Variants in MASP1 observed in about 807,000 individuals in gnomAD.
MASP1 encodes the protein MBL associated serine protease 1.
Under a neutral mutation model 77.1 loss-of-function variants are expected in MASP1, and 59 were observed. The observed-to-expected ratio is 0.77, with a 90% CI of 0.62 to 0.95. The LOEUF (loss-of-function observed/expected upper bound fraction) is 0.95. Ranked by LOEUF, MASP1 falls within the 40% of genes least tolerant of loss-of-function variation. MASP1 has a pLI of 0.00. For synonymous variants in MASP1, 362 were observed against 354.5 expected, an observed-to-expected ratio of 1.02 and a Z score of -0.24; for missense variants, 885 against 912.9, an observed-to-expected ratio of 0.97 and a Z score of 0.39.
chr3:187,270,950 G>A (rs1000335577), intron 2 of MASP1, among the ~76,000 whole-genome samples: 5 of 152,186 alleles, frequency 3.3e-5, no homozygotes, highest in Non-Finnish European at 7.3e-5. Flanking sequence ...CAGCTCAAAC[G>A]CCTGACCACA....
chr3:187,222,979 T>C (rs1712155800), intron 14 of MASP1: 1 of 708,864 alleles, frequency 1.4e-6, no homozygotes, highest in South Asian at 1.5e-5. Context: ...CAAAGTCCCA[T>C]TGAACTTTGG....
At chr3:187,249,998 C>T (rs1034076351) in intron 8 of MASP1, among the ~76,000 whole-genome samples, 3 of 152,234 alleles carry the variant, frequency 2.0e-5, no homozygotes, top group Non-Finnish European at 4.4e-5. Flanking sequence ...GGCAACCCAT[C>T]CGTGGGCTGA....
intron 2 of MASP1, among the ~76,000 whole-genome samples, chr3:187,267,481 G>T (rs1362324930): frequency 2.0e-5 from 3 of 152,220 alleles, no homozygotes; most frequent in Non-Finnish European, 4.4e-5. Flanking sequence ...AGAGGAATTT[G>T]TGCAAGTTTG....
intron 2 of MASP1, among the ~76,000 whole-genome samples, chr3:187,265,224 G>A (rs1715919590): frequency 6.6e-6 from 1 of 152,142 alleles, no homozygotes; most frequent in African/African-American, 2.4e-5. Flanking sequence ...CATGCCTTGG[G>A]CATTAATAGT....
chr3:187,264,273 C>G (rs1715835567), intron 2 of MASP1, among the ~76,000 whole-genome samples: 1 of 152,178 alleles, frequency 6.6e-6, no homozygotes, highest in Non-Finnish European at 1.5e-5. Flanking sequence ...GAGATCATGG[C>G]TTTGCTATTT....
At chr3:187,262,107 G>C (rs1012228977) in intron 3 of MASP1, among the ~76,000 whole-genome samples, 1 of 152,190 alleles carries the variant, frequency 6.6e-6, no homozygotes, top group African/African-American at 2.4e-5. Flanking sequence ...GGGACACAAA[G>C]GAACCCCCTG....
chr3:187,227,615 C>T (rs1294542338), intron 11 of MASP1, among the ~76,000 whole-genome samples: 2 of 152,158 alleles, frequency 1.3e-5, no homozygotes, highest in Non-Finnish European at 2.9e-5. Context: ...TCCACTTGGC[C>T]CTCTGAGAAG....
rs371601480 is a variant in MASP1 at position 187,291,616 on chromosome 3, C to T, written c.5+12G>A. The T allele has an allele frequency of 1.9e-6, 3 of 1,614,190 alleles. No individual in the cohort carries two copies. The highest frequency in any genetic ancestry group is 1.6e-4 in the Middle Eastern group (1 of 6,062). On this transcript the variant is annotated intron_variant, in intron 1 of 10. Transcript: ENST00000296280. The stretch of plus-strand genomic sequence containing the variant: ...AAAAGGGAACCGTGCCCTCTCCTCC[C>T]CTGGCACGTACCTCATTTTCCTGCC...
Position 187,235,091 on chromosome 3 carries a change from G to T in MASP1, c.*593C>A, listed in dbSNP as rs1248143773. The T allele has an allele frequency of 6.2e-6, 8 of 1,287,160 alleles. No individual in the cohort carries two copies. Among genetic ancestry groups the T allele is most frequent in the Non-Finnish European group, 8.1e-6 (8 of 988,736 alleles). 79.7% of individuals were successfully genotyped at this position (1,287,160 alleles called of 1,614,324 possible). A position where few individuals can be genotyped will look rare whatever the true frequency, so the allele number is the denominator to read the frequency against. On this transcript the variant is annotated 3_prime_UTR_variant, in exon 11 of 11. Transcript: ENST00000296280. ...AAGGCTTAGACTGCAAGAAGCTTTT[G>T]GGAGAGAAACCCCAGGCATGAAGGT...
intron 7 of MASP1, among the ~76,000 whole-genome samples, chr3:187,250,775 T>G (rs1387538640): frequency 6.6e-6 from 1 of 152,156 alleles, no homozygotes; most frequent in Non-Finnish European, 1.5e-5. Context: ...ACACCCCTCT[T>G]TGAGAACCAT....
At chr3:187,276,115 C>T (rs1716947564) in intron 2 of MASP1, among the ~76,000 whole-genome samples, 1 of 126,924 alleles carries the variant, frequency 7.9e-6, no homozygotes, top group African/African-American at 3.0e-5. Context: ...CCCAGGGTAG[C>T]CCCCCCAACA....
intron 2 of MASP1, among the ~76,000 whole-genome samples, chr3:187,281,766 T>C (rs927687694): frequency 9.9e-5 from 15 of 152,264 alleles, no homozygotes; most frequent in African/African-American, 2.9e-4. Context: ...GAAAGGACCA[T>C]GGGGATCATC....
At position 187,256,680 on chromosome 3, in the gene MASP1, G is replaced by C; in HGVS notation, c.728C>G (p.Pro243Arg). The C allele has an allele frequency of 6.2e-7, 1 of 1,613,950 alleles. No individual in the cohort carries two copies. Among genetic ancestry groups the C allele is most frequent in the East Asian group, 2.2e-5 (1 of 44,850 alleles). ...CAGGCTCACCTTGATGTAGTCATAG[G>C]GGCAGGGCACCTCAGGATGGTCCTC... ...DIEDHPEVPC[P>R]YDYIKIKVGP... Residue 243 changes from proline (P) to arginine (R), a missense_variant, in exon 5 of 11, where the codon CCC becomes CGC. Coordinates refer to ENST00000296280, the MANE Select transcript of MASP1 (RefSeq NM_139125.4).
chr3:187,251,550 G>C (rs1030377478), intron 7 of MASP1, 84 bp downstream of exon 7: 1 of 1,059,858 alleles, frequency 9.4e-7, no homozygotes, highest in African/African-American at 1.6e-5. Context: ...GACAAGTTCT[G>C]GCAGCCCATC....
intron 1 of MASP1, among the ~76,000 whole-genome samples, chr3:187,286,911 A>G (rs777018062): frequency 4.6e-5 from 7 of 152,108 alleles, no homozygotes; most frequent in Non-Finnish European, 7.4e-5. Flanking sequence ...ACTACCATCA[A>G]CCAGTTCCCT....
intron 6 of MASP1, among the ~76,000 whole-genome samples, chr3:187,252,331 C>T (rs1714684381): frequency 6.6e-6 from 1 of 152,192 alleles, no homozygotes; most frequent in Non-Finnish European, 1.5e-5. Flanking sequence ...CCTCTTGGGC[C>T]ACCAAGGATG....
At chr3:187,261,249 C>A (rs918071746) in intron 3 of MASP1, among the ~76,000 whole-genome samples, 1 of 152,054 alleles carries the variant, frequency 6.6e-6, no homozygotes, top group Non-Finnish European at 1.5e-5. Flanking sequence ...GATGAAATGG[C>A]GACATAGAGG....
intron 2 of MASP1, among the ~76,000 whole-genome samples, chr3:187,280,241 A>G (rs906708393): frequency 2.0e-5 from 3 of 152,238 alleles, no homozygotes; most frequent in Non-Finnish European, 4.4e-5. Flanking sequence ...AGCAGTGGAG[A>G]GGATGGAAGA....
In MASP1 at chr3:187,235,489, C is replaced by G; in HGVS notation, c.*195G>C. The G allele has an allele frequency of 1.3e-6, 2 of 1,525,878 alleles. No homozygotes were observed. The highest frequency in any genetic ancestry group is 1.8e-6 in the Non-Finnish European group (2 of 1,141,856). 94.5% of individuals were successfully genotyped at this position (1,525,878 alleles called of 1,614,324 possible). On this transcript the variant is annotated 3_prime_UTR_variant, in exon 11 of 11. Coordinates refer to ENST00000296280, the MANE Select transcript of MASP1 (RefSeq NM_139125.4). Reference sequence around the variant, plus strand: ...AGAGACTTGGACAAGCTCAGGAACACAGGTCTCCTGCCTGGAGCCTTTTCC... The same window carrying G: ...AGAGACTTGGACAAGCTCAGGAACAGAGGTCTCCTGCCTGGAGCCTTTTCC...
Sources: allele counts gnomAD v4.1 joint callset (sites outside exome capture counted in the v4.1 genomes callset), GRCh38; gene constraint gnomAD v4.1.1; transcripts MANE v1.5; gene names NCBI Gene and HGNC (gene_info 2026-07-23, HGNC 2026-07-21).